RBM18: variants seen among roughly 807,000 people sequenced by gnomAD.
RBM18 encodes RNA binding motif protein 18, also known as probable RNA-binding protein 18.
In RBM18, 18 loss-of-function variants were observed where a neutral mutation model predicts 26.4. That is an observed-to-expected ratio of 0.68 (90% confidence interval 0.47 to 1.01). The LOEUF (loss-of-function observed/expected upper bound fraction) is 1.01, where lower values mean the gene tolerates loss of function less well. Ranked by LOEUF, RBM18 falls within the 50% of genes least tolerant of loss-of-function variation. RBM18 has a pLI of 0.00. For synonymous variants in RBM18, 74 were observed against 81.1 expected (o/e 0.91, Z 0.47); for missense variants, 180 against 219.2 (o/e 0.82, Z 1.13).
chr9:122,258,495 C>T (rs1385687098), intron 2 of RBM18, among the ~76,000 whole-genome samples: 2 of 152,080 alleles, frequency 1.3e-5, no homozygotes, highest in African/African-American at 4.8e-5. Context: ...TCTCGATTTC[C>T]TAACCTTGTG....
intron 4 of RBM18, among the ~76,000 whole-genome samples, chr9:122,246,479 C>T (rs1056623204): frequency 4.6e-5 from 7 of 152,118 alleles, no homozygotes; most frequent in African/African-American, 1.2e-4. Context: ...AGATGCAGAA[C>T]GAGAAAACGA....
At chr9:122,261,614 G>A (rs1831797922) in intron 1 of RBM18, 106 bp from the exon 2 acceptor site, 1 of 757,972 alleles carries the variant, frequency 1.3e-6, no homozygotes, top group Admixed American at 2.3e-5. Flanking sequence ...ATGCCCTCTG[G>A]GCAGTCCTTC....
chr9:122,241,218 A>G lies in RBM18; in HGVS notation c.*666T>C, dbSNP rs1278282674. On this transcript the variant is annotated 3_prime_UTR_variant, in exon 6 of 6. Transcript: ENST00000417201. Reference sequence around the variant, plus strand: ...AATAGAACTTGTGTTGTGGTATAAAATGTTAAATTTGATTCTAGTTTTGTC... The same window carrying G: ...AATAGAACTTGTGTTGTGGTATAAAGTGTTAAATTTGATTCTAGTTTTGTC... 2.0e-5 allele frequency: 3 copies of G among 152,262 alleles called. No individual in the cohort carries two copies. Among genetic ancestry groups the G allele is most frequent in the African/African-American group, 7.2e-5 (3 of 41,474 alleles). The allele number at this position is 152,262 out of a possible 1,614,324, so 9.4% of individuals were successfully genotyped here. A position where few individuals can be genotyped will look rare whatever the true frequency, so the allele number is the denominator to read the frequency against.
At chr9:122,243,847 G>C (rs956121886) in intron 5 of RBM18, 84 of 985,136 alleles carry the variant, frequency 8.5e-5, no homozygotes, top group Non-Finnish European at 9.9e-5. Context: ...GATGTTAATA[G>C]AGAGATGTAA....
At position 122,261,601 on chromosome 9, in the gene RBM18, G is replaced by C. The variant is rs561896086; in HGVS notation, c.-16-93C>G. On this transcript the variant is annotated intron_variant, in intron 1 of 5. Transcript: ENST00000417201. ...ACTCAACAAACATTTATTCAAGGAG[G>C]GCATGCCCTCTGGGCAGTCCTTCAA... The C allele has an allele frequency of 4.6e-6, 4 of 865,876 alleles. No homozygotes were observed. In the African/African-American group the frequency reaches 4.9e-5, roughly 11 times the overall value. The allele number at this position is 865,876 out of a possible 1,614,324, so 53.6% of individuals were successfully genotyped here.
chr9:122,255,702 A>G (rs566548562), intron 2 of RBM18, among the ~76,000 whole-genome samples: 1 of 152,264 alleles, frequency 6.6e-6, no homozygotes, highest in Non-Finnish European at 1.5e-5. Flanking sequence ...GTGATAATCG[A>G]TGGCCAGACT....
rs1037568687 is a variant in RBM18, at chr9:122,241,714, T to C, written c.*170A>G. ...TCTGGATGATGCTCAATTCCATACA[T>C]AGTTTAGGGAAGAAACATCCATAAG... On this transcript the variant is annotated 3_prime_UTR_variant, in exon 6 of 6. Coordinates refer to ENST00000417201, the MANE Select transcript of RBM18 (RefSeq NM_033117.4). 3.5e-6 allele frequency: 2 copies of C among 569,438 alleles called. No individual in the cohort carries two copies. Among genetic ancestry groups the C allele is most frequent in the African/African-American group, 3.8e-5 (2 of 52,660 alleles). The allele number at this position is 569,438 out of a possible 1,614,324, so 35.3% of individuals were successfully genotyped here.
intron 2 of RBM18, among the ~76,000 whole-genome samples, chr9:122,256,564 G>T (rs1831701357): frequency 6.6e-6 from 1 of 152,146 alleles, no homozygotes. Context: ...ATGATATTCA[G>T]AGGTATTGTT....
chr9:122,264,255 A>G (rs73555216), intron 1 of RBM18, among the ~76,000 whole-genome samples: 7,788 of 152,284 alleles, frequency 0.051, 619 homozygotes, highest in African/African-American at 0.17. Context: ...AGTCTTAAAT[A>G]AGACAATTTT....
intron 2 of RBM18, among the ~76,000 whole-genome samples, chr9:122,259,171 A>T (rs1452104032): frequency 6.6e-6 from 1 of 152,164 alleles, no homozygotes; most frequent in Non-Finnish European, 1.5e-5. Flanking sequence ...CCAACTTATG[A>T]CATAAACTGA....
At position 122,261,299 on chromosome 9, in the gene RBM18, C is replaced by A. The variant is rs556673880; in HGVS notation, c.113+81G>T. ...TAAAAGGGTCTAAGTATATCCCACA[C>A]CCCTTGAAAATTCTTCTTGACATCA... On this transcript the variant is annotated intron_variant, in intron 2 of 5. Coordinates refer to ENST00000417201, the MANE Select transcript of RBM18 (RefSeq NM_033117.4). 7.4e-5 allele frequency: 69 copies of A among 931,782 alleles called. No homozygotes were observed. In the Middle Eastern group the frequency reaches 1.1e-3, roughly 14 times the overall value. 57.7% of individuals were successfully genotyped at this position (931,782 alleles called of 1,614,324 possible). A position where few individuals can be genotyped will look rare whatever the true frequency, so the allele number is the denominator to read the frequency against.
chr9:122,259,546 T>A (rs1268545466), intron 2 of RBM18, among the ~76,000 whole-genome samples: 2 of 152,230 alleles, frequency 1.3e-5, no homozygotes, highest in African/African-American at 4.8e-5. Context: ...TCATAATTTC[T>A]AAGGGAACTG....
chr9:122,239,218 G>GT lies in RBM18; in HGVS notation c.*2665dup, dbSNP rs1225840898. 8.8e-6 allele frequency: 1 copy of GT among 113,682 alleles called. No homozygotes were observed. The highest frequency in any genetic ancestry group is 2.7e-5 in the African/African-American group (1 of 36,466). 7.0% of individuals were successfully genotyped at this position (113,682 alleles called of 1,614,324 possible). A position where few individuals can be genotyped will look rare whatever the true frequency, so the allele number is the denominator to read the frequency against. Reference sequence around the variant, plus strand: ...GTGCAACTGATTTTTGACCTGTTTTGTTTTTGTTTTTTTTGAGACGGTGTC... The same window carrying GT: ...GTGCAACTGATTTTTGACCTGTTTTGTTTTTTGTTTTTTTTGAGACGGTGTC... On this transcript the variant is annotated 3_prime_UTR_variant, in exon 6 of 6. Coordinates refer to ENST00000417201, the MANE Select transcript of RBM18 (RefSeq NM_033117.4).
intron 2 of RBM18, among the ~76,000 whole-genome samples, chr9:122,253,289 AC>A (rs1404825605): frequency 6.6e-6 from 1 of 152,218 alleles, no homozygotes; most frequent in African/African-American, 2.4e-5. Flanking sequence ...ATGCACATCA[AC>A]AAGCAAGTCC....
At chr9:122,254,256 C>A in intron 2 of RBM18, 1 of 644,446 alleles carries the variant, frequency 1.6e-6, no homozygotes, top group Non-Finnish European at 1.9e-6. Flanking sequence ...CAAACACATT[C>A]TGCCCAAGAA....
chr9:122,255,030 G>A (rs6478561), intron 2 of RBM18, among the ~76,000 whole-genome samples: 48,927 of 152,098 alleles, frequency 0.32, 9,102 homozygotes, highest in South Asian at 0.47. Flanking sequence ...GGGCTGAAAG[G>A]TAGGCAGAGG....
chr9:122,250,704 T>C (rs775427353), intron 3 of RBM18, among the ~76,000 whole-genome samples: 10 of 152,162 alleles, frequency 6.6e-5, no homozygotes, highest in Non-Finnish European at 1.3e-4. Context: ...ATTCCATTTG[T>C]GTGTTACAAC....
chr9:122,254,078 CAA>C (rs968177471), intron 2 of RBM18, among the ~76,000 whole-genome samples: 2 of 145,850 alleles, frequency 1.4e-5, no homozygotes, highest in Admixed American at 1.4e-4. Context: ...ACAAAAAAAA[CAA>C]AAAAGACAAT....
At chr9:122,250,081 G>C (rs115661980) in intron 3 of RBM18, among the ~76,000 whole-genome samples, 16 of 30,536 alleles carry the variant, frequency 5.2e-4, no homozygotes, top group African/African-American at 1.3e-3. Flanking sequence ...AAAAAAAAAA[G>C]AATGCTAATT....
Sources: gnomAD v4.1 joint callset for allele counts (sites outside exome capture counted in the v4.1 genomes callset) on GRCh38, gnomAD v4.1.1 for gene constraint, MANE v1.5 for transcripts, NCBI Gene and HGNC (gene_info 2026-07-23, HGNC 2026-07-21) for gene names.